The following RNGTT variants were observed in gnomAD, a reference collection of about 807,000 sequenced individuals.
RNGTT encodes the protein mRNA-capping enzyme.
A neutral mutation model predicts 79.3 loss-of-function variants in RNGTT; 33 were observed. The ratio of observed to expected loss-of-function variants is 0.42; its 90% confidence interval spans 0.32 to 0.56. RNGTT has a LOEUF of 0.56. RNGTT is among the 20% of genes least tolerant of loss of function. RNGTT has a pLI of 0.17. For synonymous variants in RNGTT, 222 were observed against 235.9 expected (o/e 0.94, Z 0.54); for missense variants, 497 against 739.1 (o/e 0.67, Z 3.80).
chr6:88,761,034 C>T (rs1369953634), intron 13 of RNGTT, among the ~76,000 whole-genome samples: 2 of 150,486 alleles, frequency 1.3e-5, no homozygotes, highest in East Asian at 3.9e-4. Flanking sequence ...CACACACACA[C>T]ACACACACAC....
chr6:88,770,447 G>T (rs1489156935), intron 12 of RNGTT, among the ~76,000 whole-genome samples: 3 of 152,158 alleles, frequency 2.0e-5, no homozygotes, highest in Non-Finnish European at 4.4e-5. Context: ...AGATTTTTGA[G>T]ATGAATCTAT....
chr6:88,731,237 C>T (rs1326890971), intron 13 of RNGTT, among the ~76,000 whole-genome samples: 1 of 152,128 alleles, frequency 6.6e-6, no homozygotes, highest in African/African-American at 2.4e-5. Context: ...TCTACATGTG[C>T]AGCAAAACAG....
At chr6:88,737,761 C>A (rs1777335179) in intron 13 of RNGTT, among the ~76,000 whole-genome samples, 1 of 152,208 alleles carries the variant, frequency 6.6e-6, no homozygotes. Flanking sequence ...CTTGAAATTT[C>A]AGTCTCTAGA....
At position 88,642,999 on chromosome 6, in the gene RNGTT, C is replaced by T. The variant is rs753242809; in HGVS notation, c.1507-28604G>A. Among the ~76,000 whole-genome samples the T allele has an allele frequency of 4.3e-4, 65 of 152,056 alleles. 1 individual carries two copies. The highest frequency in any genetic ancestry group is 1.5e-3 in the Admixed American group (23 of 15,262). On this transcript the variant is annotated intron_variant, in intron 14 of 15. Coordinates refer to ENST00000369485, the MANE Select transcript of RNGTT (RefSeq NM_003800.5). ...TTCCAAAAGGGAAGTACAAATGCGCCTTGACTTACAATACAGTTACATCCT... is the reference window on the plus strand; with the variant it reads ...TTCCAAAAGGGAAGTACAAATGCGCTTTGACTTACAATACAGTTACATCCT...
At chr6:88,779,847 G>A (rs1002660911) in intron 12 of RNGTT, among the ~76,000 whole-genome samples, 2 of 152,114 alleles carry the variant, frequency 1.3e-5, no homozygotes, top group Non-Finnish European at 1.5e-5. Context: ...GCAAAAATTA[G>A]CTAGGCATGG....
chr6:88,819,305 C>T (rs1780426053), intron 11 of RNGTT, among the ~76,000 whole-genome samples: 1 of 152,028 alleles, frequency 6.6e-6, no homozygotes, highest in African/African-American at 2.4e-5. Context: ...TAGAAATAGT[C>T]TGTTACACTC....
At chr6:88,730,929 A>C (rs569378896) in intron 13 of RNGTT, among the ~76,000 whole-genome samples, 9 of 152,320 alleles carry the variant, frequency 5.9e-5, no homozygotes, top group Non-Finnish European at 1.2e-4. Context: ...AGGCCAAAAC[A>C]AACAAACAAA....
At chr6:88,689,059 T>A (rs2127794698) in intron 13 of RNGTT, among the ~76,000 whole-genome samples, 1 of 152,276 alleles carries the variant, frequency 6.6e-6, no homozygotes, top group Middle Eastern at 3.4e-3. Context: ...GTAGTTAGGT[T>A]TGGGGGGGAG....
At chr6:88,915,048 A>C (rs1057114510) in intron 4 of RNGTT, among the ~76,000 whole-genome samples, 5 of 152,232 alleles carry the variant, frequency 3.3e-5, no homozygotes, top group African/African-American at 1.2e-4. Context: ...AGGGACATGC[A>C]AATAAAAACC....
intron 12 of RNGTT, among the ~76,000 whole-genome samples, chr6:88,771,682 G>A (rs905043034): frequency 1.2e-4 from 19 of 152,104 alleles, no homozygotes; most frequent in African/African-American, 4.3e-4. Flanking sequence ...CATAAACACT[G>A]TAAATCTCTC....
At chr6:88,851,027 G>C (rs1454647880) in intron 9 of RNGTT, among the ~76,000 whole-genome samples, 1 of 151,790 alleles carries the variant, frequency 6.6e-6, no homozygotes, top group East Asian at 1.9e-4. Context: ...AGGCTCCCTT[G>C]GTTCTAATCA....
At chr6:88,711,796 A>G (rs1361031514) in intron 13 of RNGTT, among the ~76,000 whole-genome samples, 2 of 152,144 alleles carry the variant, frequency 1.3e-5, no homozygotes, top group African/African-American at 4.8e-5. Context: ...TCACTCATTC[A>G]CCCATTTACT....
rs761416127 is a variant in RNGTT at position 88,769,757 on chromosome 6, C to T, written c.1439+17G>A. 12 of 1,521,480 alleles carry T rather than the reference C, an allele frequency of 7.9e-6. No homozygotes were observed. Among genetic ancestry groups the T allele is most frequent in the Non-Finnish European group, 8.2e-6 (9 of 1,098,202 alleles). 94.2% of individuals were successfully genotyped at this position (1,521,480 alleles called of 1,614,324 possible). On this transcript the variant is annotated intron_variant, in intron 13 of 15. Coordinates refer to ENST00000369485, the MANE Select transcript of RNGTT (RefSeq NM_003800.5). The stretch of plus-strand genomic sequence containing the variant: ...ACAGTATTATTTCATGCAAAAAGTA[C>T]AAAAGTGCATACTTACCCTTCTCCT...
At chr6:88,919,286 A>C (rs927331428) in intron 4 of RNGTT, among the ~76,000 whole-genome samples, 1 of 152,214 alleles carries the variant, frequency 6.6e-6, no homozygotes, top group South Asian at 2.1e-4. Flanking sequence ...ACAATTAACT[A>C]TTTCAAGGCA....
chr6:88,862,372 G>A (rs1235186285), intron 8 of RNGTT, among the ~76,000 whole-genome samples: 1 of 152,168 alleles, frequency 6.6e-6, no homozygotes, highest in African/African-American at 2.4e-5. Context: ...AAAAGACCAA[G>A]GACAGGGTTT....
At chr6:88,713,298 G>T (rs1397258803) in intron 13 of RNGTT, among the ~76,000 whole-genome samples, 1 of 150,872 alleles carries the variant, frequency 6.6e-6, no homozygotes, top group Non-Finnish European at 1.5e-5. Flanking sequence ...GACCATGCTG[G>T]CACCCTAATT....
At chr6:88,844,622 G>GA in intron 10 of RNGTT, 101 bp from the exon 11 acceptor site, 1 of 1,105,064 alleles carries the variant, frequency 9.0e-7, no homozygotes, top group South Asian at 1.5e-5. Flanking sequence ...TGTGTAAACA[G>GA]CATCCTCTGG....
intron 14 of RNGTT, among the ~76,000 whole-genome samples, chr6:88,629,164 T>C (rs1772750280): frequency 6.6e-6 from 1 of 152,042 alleles, no homozygotes; most frequent in Admixed American, 6.6e-5. Context: ...ACGAAGAAAG[T>C]TCTAAGTGTC....
chr6:88,665,970 C>T (rs1023990791), intron 14 of RNGTT, among the ~76,000 whole-genome samples: 1 of 152,178 alleles, frequency 6.6e-6, no homozygotes, highest in Non-Finnish European at 1.5e-5. Context: ...AGCGGGAGTG[C>T]AGCCTAGGAT....
Sources: allele counts gnomAD v4.1 joint callset (sites outside exome capture counted in the v4.1 genomes callset), GRCh38; gene constraint gnomAD v4.1.1; transcripts MANE v1.5; gene names NCBI Gene and HGNC (gene_info 2026-07-23, HGNC 2026-07-21).